The following SPAG16 variants were observed in gnomAD, a reference collection of about 807,000 sequenced individuals.
SPAG16 encodes sperm associated antigen 16.
A neutral mutation model predicts 80.4 loss-of-function variants in SPAG16; 86 were observed. The ratio of observed to expected loss-of-function variants is 1.07; its 90% CI spans 0.90 to 1.28. SPAG16 has a LOEUF of 1.28. Among genes scored for constraint, SPAG16 ranks in the 50% most tolerant of loss-of-function variants. SPAG16 has a pLI of 0.00. For missense variants in SPAG16, 870 were observed against 765.3 expected (o/e 1.14, Z -1.61); for synonymous variants, 294 against 265.9 (o/e 1.11, Z -1.03).
At chr2:214,330,781 A>G (rs1411521653) in intron 15 of SPAG16, among the ~76,000 whole-genome samples, 1 of 152,180 alleles carries the variant, frequency 6.6e-6, no homozygotes, top group Non-Finnish European at 1.5e-5. Flanking sequence ...AGGAGCCAAC[A>G]CTTTCTCAGC....
At chr2:214,285,824 A>C (rs1693315083) in intron 15 of SPAG16, among the ~76,000 whole-genome samples, 1 of 152,034 alleles carries the variant, frequency 6.6e-6, no homozygotes, top group African/African-American at 2.4e-5. Context: ...ATAATAAATA[A>C]ATAATAATGA....
chr2:214,388,393 T>C (rs1311361770), intron 15 of SPAG16, among the ~76,000 whole-genome samples: 1 of 152,182 alleles, frequency 6.6e-6, no homozygotes, highest in African/African-American at 2.4e-5. Context: ...TATACCTGCC[T>C]GTGTCTGTTA....
intron 13 of SPAG16, among the ~76,000 whole-genome samples, chr2:214,076,341 G>A (rs930965118): frequency 1.1e-4 from 16 of 152,118 alleles, no homozygotes; most frequent in African/African-American, 3.9e-4. Context: ...TAGGGATTAA[G>A]TGTTTTACAC....
intron 10 of SPAG16, among the ~76,000 whole-genome samples, chr2:213,771,043 T>C (rs1197607228): frequency 6.6e-6 from 1 of 152,192 alleles, no homozygotes; most frequent in Admixed American, 6.5e-5. Context: ...CACCACTCTG[T>C]CTTCCATAAT....
intron 13 of SPAG16, among the ~76,000 whole-genome samples, chr2:214,099,288 A>C (rs1413740808): frequency 6.6e-6 from 1 of 152,136 alleles, no homozygotes; most frequent in African/African-American, 2.4e-5. Flanking sequence ...GCTACAAATT[A>C]ATCTATAAAT....
Position 214,310,491 on chromosome 2 carries a change from T to G in SPAG16, c.1721-99649T>G, listed in dbSNP as rs541077852. On this transcript the variant is annotated intron_variant, in intron 15 of 15. Coordinates refer to ENST00000331683, the MANE Select transcript of SPAG16 (RefSeq NM_024532.5). Reference sequence around the variant, plus strand: ...CCACTTTTTGTTTTGTTTTGGTTTTTGTTTTGTTTTTGGTGAAGTTTGGTC... The same window carrying G: ...CCACTTTTTGTTTTGTTTTGGTTTTGGTTTTGTTTTTGGTGAAGTTTGGTC... 2.0e-3 allele frequency among the ~76,000 whole-genome samples: 269 copies of G among 136,990 alleles called. 2 individuals carry two copies. Among genetic ancestry groups the G allele is most frequent in the African/African-American group, 8.9e-3 (242 of 27,134 alleles). 89.9% of individuals were successfully genotyped at this position (136,990 alleles called of 152,430 possible).
At chr2:214,084,314 G>T (rs1201313666) in intron 13 of SPAG16, among the ~76,000 whole-genome samples, 1 of 151,644 alleles carries the variant, frequency 6.6e-6, no homozygotes, top group Non-Finnish European at 1.5e-5. Context: ...ACAAAGCCAG[G>T]AACTAAAAAC....
chr2:214,321,103 C>T (rs962523158), intron 15 of SPAG16, among the ~76,000 whole-genome samples: 1 of 152,078 alleles, frequency 6.6e-6, no homozygotes, highest in Non-Finnish European at 1.5e-5. Context: ...ATTTTATGCT[C>T]CCTTTTTCTT....
At chr2:213,544,582 G>C (rs2076555195) in intron 10 of SPAG16, among the ~76,000 whole-genome samples, 1 of 151,868 alleles carries the variant, frequency 6.6e-6, no homozygotes, top group South Asian at 2.1e-4. Context: ...ATATTCTATG[G>C]GTTTGGACAA....
At chr2:214,386,643 C>G (rs928723548) in intron 15 of SPAG16, among the ~76,000 whole-genome samples, 6 of 152,050 alleles carry the variant, frequency 3.9e-5, no homozygotes, top group Admixed American at 3.9e-4. Flanking sequence ...AGATAGAGCA[C>G]TTGAGCTCAA....
chr2:213,719,710 G>A (rs1209027423), intron 10 of SPAG16, among the ~76,000 whole-genome samples: 1 of 152,214 alleles, frequency 6.6e-6, no homozygotes, highest in Admixed American at 6.5e-5. Flanking sequence ...AGGATGTGGA[G>A]AAATAGGAAT....
intron 1 of SPAG16, among the ~76,000 whole-genome samples, chr2:213,294,262 A>G (rs1043994216): frequency 6.8e-4 from 103 of 152,222 alleles, no homozygotes; most frequent in African/African-American, 2.4e-3. Context: ...AAGAAGTAAC[A>G]GAGTAGCTTT....
At chr2:213,642,800 G>A (rs375429814) in intron 10 of SPAG16, among the ~76,000 whole-genome samples, 1 of 13,462 alleles carries the variant, frequency 7.4e-5, no homozygotes, top group Non-Finnish European at 1.2e-4. Context: ...CAGCCTGGGC[G>A]ACAGAGCGAG....
At chr2:214,030,531 G>T (rs1291612570) in intron 13 of SPAG16, among the ~76,000 whole-genome samples, 1 of 152,098 alleles carries the variant, frequency 6.6e-6, no homozygotes, top group Non-Finnish European at 1.5e-5. Flanking sequence ...GTATAAAGAG[G>T]TCCTGGATTT....
intron 10 of SPAG16, among the ~76,000 whole-genome samples, chr2:213,525,021 C>T (rs1238683398): frequency 6.6e-6 from 1 of 152,072 alleles, no homozygotes; most frequent in Admixed American, 6.6e-5. Context: ...CCATAATCCC[C>T]ACATTTCTTG....
At chr2:213,827,401 A>G (rs1400807063) in intron 10 of SPAG16, among the ~76,000 whole-genome samples, 1 of 152,104 alleles carries the variant, frequency 6.6e-6, no homozygotes, top group Non-Finnish European at 1.5e-5. Context: ...CTATTATTTT[A>G]AACTAATGAC....
intron 15 of SPAG16, among the ~76,000 whole-genome samples, chr2:214,290,563 G>T (rs1693725404): frequency 6.6e-6 from 1 of 151,734 alleles, no homozygotes; most frequent in Non-Finnish European, 1.5e-5. Flanking sequence ...CACAAGTTTG[G>T]GTATTTTTGT....
intron 10 of SPAG16, among the ~76,000 whole-genome samples, chr2:213,812,891 TGAAA>T (rs1245960580): frequency 2.0e-5 from 3 of 152,048 alleles, no homozygotes; most frequent in African/African-American, 7.2e-5. Context: ...TCAGATAACC[TGAAA>T]GAAGGTTATG....
chr2:213,694,802 C>G (rs2125306400), intron 10 of SPAG16, among the ~76,000 whole-genome samples: 1 of 150,496 alleles, frequency 6.6e-6, no homozygotes, highest in South Asian at 2.1e-4. Flanking sequence ...CTTCTACTCT[C>G]CCTTGCCTCT....
Sources: gnomAD v4.1 joint callset for allele counts (sites outside exome capture counted in the v4.1 genomes callset) on GRCh38, gnomAD v4.1.1 for gene constraint, MANE v1.5 for transcripts, NCBI Gene and HGNC (gene_info 2026-07-23, HGNC 2026-07-21) for gene names.